SND1: variants seen among roughly 807,000 people sequenced by gnomAD.
The protein encoded by SND1 is staphylococcal nuclease domain-containing protein 1.
SND1 carries 38 observed loss-of-function variants against 121.7 expected under a neutral mutation model. That is an observed-to-expected ratio of 0.31 (90% CI 0.24 to 0.41). The LOEUF is 0.41. SND1 is among the 10% of genes least tolerant of loss of function. SND1 has a pLI of 1.00. For synonymous variants in SND1, 401 were observed against 447.4 expected, an observed-to-expected ratio of 0.90 and a Z score of 1.31; for missense variants, 868 against 1,184.6, an observed-to-expected ratio of 0.73 and a Z score of 3.92.
At chr7:127,728,345 C>G (rs531318727) in intron 10 of SND1, among the ~76,000 whole-genome samples, 2 of 152,126 alleles carry the variant, frequency 1.3e-5, no homozygotes, top group Non-Finnish European at 2.9e-5. Context: ...TCACACAGTT[C>G]TACATTTTCA....
At chr7:127,957,437 C>G (rs1371998604) in intron 15 of SND1, among the ~76,000 whole-genome samples, 1 of 152,212 alleles carries the variant, frequency 6.6e-6, no homozygotes, top group Non-Finnish European at 1.5e-5. Context: ...GCTGCTTCCA[C>G]AACTGCCATC....
rs79845854 is a variant in SND1 at position 128,067,322 on chromosome 7, G to A, written c.1780-7180G>A. Among the ~76,000 whole-genome samples the A allele has an allele frequency of 1.8e-4, 27 of 152,294 alleles. No individual in the cohort carries two copies. The East Asian group carries it at 5.2e-3, about 29-fold the overall frequency. On this transcript the variant is annotated intron_variant, in intron 16 of 23. Coordinates refer to ENST00000354725, the MANE Select transcript of SND1 (RefSeq NM_014390.4). ...CTTCTTCCCATCCAGGCCGCTTGCT[G>A]TGATTGTTGCTGGTTGCTTTAGGAA... is the stretch of plus-strand genomic sequence containing the variant.
intron 18 of SND1, among the ~76,000 whole-genome samples, chr7:128,083,255 C>T (rs1283326977): frequency 3.9e-5 from 6 of 152,186 alleles, no homozygotes; most frequent in African/African-American, 1.2e-4. Context: ...TGCCTGTTGG[C>T]AGGAGACAAA....
At chr7:127,739,024 G>A (rs927998782) in intron 10 of SND1, among the ~76,000 whole-genome samples, 3 of 152,200 alleles carry the variant, frequency 2.0e-5, no homozygotes, top group African/African-American at 7.2e-5. Context: ...TTTGTGCACA[G>A]GTGTGTAGCT....
rs568791010 is a variant in SND1 at position 127,672,520 on chromosome 7, G to A, written c.79-14093G>A. On this transcript the variant is annotated intron_variant, in intron 1 of 23. Coordinates refer to ENST00000354725, the MANE Select transcript of SND1 (RefSeq NM_014390.4). ...AGCTACTACTCGGGGGGCTGAGACC[G>A]GAGAATTGCTTGAACCCAGGAGGCA... Among the ~76,000 whole-genome samples, 17 of 152,060 alleles carry A rather than the reference G, an allele frequency of 1.1e-4. No individual in the cohort carries two copies. The East Asian group carries it at 1.5e-3, about 14-fold the overall frequency.
intron 15 of SND1, among the ~76,000 whole-genome samples, chr7:127,969,503 A>G (rs1243572737): frequency 6.6e-6 from 1 of 152,210 alleles, no homozygotes; most frequent in African/African-American, 2.4e-5. Flanking sequence ...AGGCGGGCAG[A>G]TCACGAGGTC....
chr7:128,055,373 G>A (rs540802036), intron 16 of SND1, among the ~76,000 whole-genome samples: 6 of 152,164 alleles, frequency 3.9e-5, no homozygotes, highest in African/African-American at 1.2e-4. Flanking sequence ...GCCCCTCTCT[G>A]GGTGTCTGCT....
In SND1 at chr7:128,029,356, C is replaced by T; in HGVS notation, c.1779+38300C>T. 2.5e-6 allele frequency: 4 copies of T among 1,614,166 alleles called. No homozygotes were observed. Among genetic ancestry groups the T allele is most frequent in the South Asian group, 1.1e-5 (1 of 91,082 alleles). On this transcript the variant is annotated intron_variant, in intron 16 of 23. Coordinates refer to ENST00000354725, the MANE Select transcript of SND1 (RefSeq NM_014390.4). This position sits in a 1 kb window ranked among gnomAD's most constrained non-coding sequence, Gnocchi z 4.2. ...GCCGAGGCGTTGGAGTTGCCTGCAA[C>T]ATTGGTCACCATGCATGTGTACACC...
chr7:128,075,307 C>T (rs999831116), intron 17 of SND1, among the ~76,000 whole-genome samples: 2 of 152,198 alleles, frequency 1.3e-5, no homozygotes, highest in Non-Finnish European at 2.9e-5. Flanking sequence ...ACTTATAGCC[C>T]GGCCCTGATA....
At chr7:127,751,165 C>T (rs949215811) in intron 10 of SND1, among the ~76,000 whole-genome samples, 7 of 149,594 alleles carry the variant, frequency 4.7e-5, no homozygotes, top group African/African-American at 1.2e-4. Flanking sequence ...TGTGTGTGTG[C>T]GCGCGTGCTG....
intron 13 of SND1, among the ~76,000 whole-genome samples, chr7:127,896,841 C>T (rs1040258838): frequency 1.3e-5 from 2 of 152,184 alleles, no homozygotes; most frequent in African/African-American, 2.4e-5. Flanking sequence ...GAAATCATCT[C>T]GAGTGTTACA....
chr7:127,827,626 A>T (rs997992492), intron 11 of SND1, among the ~76,000 whole-genome samples: 1 of 152,174 alleles, frequency 6.6e-6, no homozygotes, highest in African/African-American at 2.4e-5. Flanking sequence ...TACTTAATTT[A>T]TTCTATTCTT....
intron 14 of SND1, among the ~76,000 whole-genome samples, chr7:127,911,685 A>G (rs1400232011): frequency 6.6e-6 from 1 of 152,094 alleles, no homozygotes; most frequent in East Asian, 1.9e-4. Context: ...TATTTTTAGT[A>G]GAGACGGGGT....
chr7:128,019,477 C>T (rs774469963), intron 16 of SND1, among the ~76,000 whole-genome samples: 3 of 152,158 alleles, frequency 2.0e-5, no homozygotes, highest in African/African-American at 4.8e-5. Flanking sequence ...TGGAGGGGAC[C>T]GGTCTCTAGG....
intron 12 of SND1, among the ~76,000 whole-genome samples, chr7:127,852,178 TAAATA>T (rs1013614714): frequency 5.1e-5 from 4 of 78,330 alleles, no homozygotes; most frequent in Admixed American, 1.3e-4. Context: ...TAAAATAAAA[TAAATA>T]AAATAAAATA....
intron 12 of SND1, among the ~76,000 whole-genome samples, chr7:127,863,475 C>T (rs1799415243): frequency 1.3e-5 from 2 of 152,186 alleles, no homozygotes; most frequent in Admixed American, 1.3e-4. Flanking sequence ...AGGAAGTCAC[C>T]TTATCCATAG....
Position 127,818,747 on chromosome 7 carries a change from C to A in SND1, c.1242+11174C>A, listed in dbSNP as rs925190451. ...CAGTGAAACAGCAGAGTTTCCTCCA[C>A]CAGGCTCGGTTTCCACCATCTCCAA... On this transcript the variant is annotated intron_variant, in intron 11 of 23. Transcript: ENST00000354725. 3.9e-5 allele frequency among the ~76,000 whole-genome samples: 6 copies of A among 152,172 alleles called. No homozygotes were observed. The East Asian group carries it at 9.6e-4, about 24-fold the overall frequency.
Position 127,930,991 on chromosome 7 carries a change from C to G in SND1, c.1669+1662C>G, listed in dbSNP as rs573670277. Among the ~76,000 whole-genome samples, 4 of 152,238 alleles carry G rather than the reference C, an allele frequency of 2.6e-5. No individual in the cohort carries two copies. In the East Asian group the frequency reaches 7.7e-4, roughly 29 times the overall value. ...TTATTATTATATCTGTTATGGTGATCTGTGACCAGTGATGTTTGATGTTAT... is the reference window on the plus strand; with the variant it reads ...TTATTATTATATCTGTTATGGTGATGTGTGACCAGTGATGTTTGATGTTAT... On this transcript the variant is annotated intron_variant, in intron 15 of 23. Transcript: ENST00000354725.
chr7:128,021,317 A>G (rs1270270125), intron 16 of SND1, among the ~76,000 whole-genome samples: 1 of 152,232 alleles, frequency 6.6e-6, no homozygotes, highest in Non-Finnish European at 1.5e-5. Context: ...TTCTGGGCCT[A>G]TTGTGAGGGA....
Sources: gnomAD v4.1 joint callset for allele counts (sites outside exome capture counted in the v4.1 genomes callset) on GRCh38, gnomAD v4.1.1 for gene constraint, Gnocchi (gnomAD v3.1) non-coding constraint, MANE v1.5 for transcripts, NCBI Gene and HGNC (gene_info 2026-07-23, HGNC 2026-07-21) for gene names.